The following TTLL5 variants were observed in gnomAD, a reference collection of about 807,000 sequenced individuals.
The protein encoded by TTLL5 is tubulin polyglutamylase TTLL5.
Under a neutral mutation model 168.4 loss-of-function variants are expected in TTLL5, and 132 were observed. The observed-to-expected ratio is 0.78, with a 90% CI of 0.68 to 0.91. TTLL5 has a LOEUF of 0.91. Among genes scored for constraint, TTLL5 ranks in the 40% least tolerant of loss-of-function variants. TTLL5 has a pLI of 0.00. For missense variants in TTLL5, 1,545 were observed against 1,581.5 expected (o/e 0.98, Z 0.39); for synonymous variants, 546 against 558.6 (o/e 0.98, Z 0.32).
At chr14:75,914,131 C>G (rs894611296) in intron 31 of TTLL5, among the ~76,000 whole-genome samples, 7 of 147,060 alleles carry the variant, frequency 4.8e-5, no homozygotes, top group African/African-American at 1.5e-4. Context: ...AGATGAGTCC[C>G]GCTCTGTCAC....
At chr14:75,709,323 C>A (rs8007792) in intron 9 of TTLL5, 403,276 of 657,322 alleles carry the variant, frequency 0.61, 127,833 homozygotes, top group Non-Finnish European at 0.67. Context: ...GTTTTTTTCA[C>A]ATGTATCCTA....
intron 29 of TTLL5, among the ~76,000 whole-genome samples, chr14:75,872,151 T>A (rs1199236576): frequency 2.6e-5 from 4 of 152,254 alleles, no homozygotes; most frequent in African/African-American, 4.8e-5. Flanking sequence ...TCTGTATACA[T>A]ACTCACACTT....
intron 30 of TTLL5, among the ~76,000 whole-genome samples, chr14:75,890,911 G>A (rs970184949): frequency 6.6e-6 from 1 of 152,096 alleles, no homozygotes; most frequent in Non-Finnish European, 1.5e-5. Context: ...AGTAGAGACG[G>A]GGTTTCACCG....
chr14:75,708,686 T>C (rs1157724856), intron 9 of TTLL5, among the ~76,000 whole-genome samples: 1 of 152,194 alleles, frequency 6.6e-6, no homozygotes, highest in Admixed American at 6.5e-5. Flanking sequence ...CAAGTTGTTA[T>C]ATTTTGAAGT....
At position 75,923,773 on chromosome 14, in the gene TTLL5, T is replaced by G. The variant is rs546539421; in HGVS notation, c.3823+21549T>G. On this transcript the variant is annotated intron_variant, in intron 31 of 31. Transcript: ENST00000298832. The stretch of plus-strand genomic sequence containing the variant: ...CAAGTCCTAGATGTCCTTGTTAATT[T>G]TCTGTCTTGTTGATCTAATATTGAC... Among the ~76,000 whole-genome samples, 5 of 152,340 alleles carry G rather than the reference T, an allele frequency of 3.3e-5. No individual in the cohort carries two copies. The South Asian group carries it at 1.0e-3, about 32-fold the overall frequency.
intron 28 of TTLL5, among the ~76,000 whole-genome samples, chr14:75,831,573 ACT>A: frequency 6.6e-6 from 1 of 152,012 alleles, no homozygotes; most frequent in South Asian, 2.1e-4. Flanking sequence ...AGCTGCTGTA[ACT>A]CTGGGGAACA....
intron 27 of TTLL5, chr14:75,814,621 G>A (rs1345261453): frequency 6.6e-6 from 1 of 152,160 alleles, no homozygotes; most frequent in Non-Finnish European, 1.5e-5. Flanking sequence ...ATTCGTTTTT[G>A]TTCAGTGACT....
intron 6 of TTLL5, among the ~76,000 whole-genome samples, chr14:75,691,180 A>G (rs1885437530): frequency 6.6e-6 from 1 of 152,096 alleles, no homozygotes; most frequent in East Asian, 1.9e-4. Flanking sequence ...TGTCAGCTGT[A>G]TGGCTGGTAA....
At chr14:75,803,814 G>A (rs746392390) in intron 27 of TTLL5, among the ~76,000 whole-genome samples, 2 of 152,192 alleles carry the variant, frequency 1.3e-5, no homozygotes, top group Non-Finnish European at 2.9e-5. Context: ...AAGAGATGTA[G>A]CCCTTTGTGG....
chr14:75,885,219 G>A (rs969665610), intron 30 of TTLL5, among the ~76,000 whole-genome samples: 2 of 151,022 alleles, frequency 1.3e-5, no homozygotes, highest in Non-Finnish European at 2.9e-5. Context: ...GGCCAGGTGC[G>A]GTGGCTCACG....
chr14:75,701,420 T>C (rs1029879259), intron 7 of TTLL5, among the ~76,000 whole-genome samples: 3 of 152,192 alleles, frequency 2.0e-5, no homozygotes, highest in Admixed American at 6.5e-5. Context: ...ACTGTGGTTG[T>C]GTAGGACTCT....
intron 23 of TTLL5, among the ~76,000 whole-genome samples, chr14:75,778,762 T>C (rs1891873839): frequency 1.3e-5 from 2 of 152,254 alleles, no homozygotes; most frequent in Admixed American, 6.5e-5. Context: ...ATGTGTGATA[T>C]GTTCAATAGA....
At chr14:75,931,175 T>C (rs1389295360) in intron 31 of TTLL5, among the ~76,000 whole-genome samples, 1 of 152,186 alleles carries the variant, frequency 6.6e-6, no homozygotes, top group African/African-American at 2.4e-5. Context: ...ACATAAGTAG[T>C]ACTTCTCCTG....
intron 30 of TTLL5, among the ~76,000 whole-genome samples, chr14:75,896,379 C>T (rs1432159765): frequency 6.6e-6 from 1 of 152,058 alleles, no homozygotes; most frequent in East Asian, 1.9e-4. Context: ...TTTATAAAAA[C>T]GATCAGGTTT....
chr14:75,706,659 CA>C (rs1886678671), intron 7 of TTLL5, among the ~76,000 whole-genome samples: 2 of 152,004 alleles, frequency 1.3e-5, no homozygotes, highest in African/African-American at 4.8e-5. Context: ...AGGGAGAAAG[CA>C]AGTTTTCATT....
intron 16 of TTLL5, 99 bp from the exon 17 acceptor site, chr14:75,745,391 C>T: frequency 1.5e-6 from 2 of 1,315,912 alleles, no homozygotes; most frequent in Non-Finnish European, 2.2e-6. Flanking sequence ...CTTCATGCTA[C>T]TTTCATATTC....
At chr14:75,910,685 A>G (rs944720982) in intron 31 of TTLL5, among the ~76,000 whole-genome samples, 1 of 152,274 alleles carries the variant, frequency 6.6e-6, no homozygotes, top group African/African-American at 2.4e-5. Context: ...CCTGATCTGT[A>G]GAGTTTGAAC....
intron 31 of TTLL5, among the ~76,000 whole-genome samples, chr14:75,942,825 C>T (rs1273193641): frequency 2.0e-5 from 3 of 152,150 alleles, no homozygotes; most frequent in South Asian, 2.1e-4. Flanking sequence ...TGATAGTTGC[C>T]GAACTGGCAT....
intron 31 of TTLL5, among the ~76,000 whole-genome samples, chr14:75,937,336 G>A (rs1339230203): frequency 2.0e-5 from 3 of 150,284 alleles, no homozygotes; most frequent in East Asian, 1.9e-4. Context: ...TCATGTTGGC[G>A]AGGATGGTCT....
Sources: gnomAD v4.1 joint callset for allele counts (sites outside exome capture counted in the v4.1 genomes callset) on GRCh38, gnomAD v4.1.1 for gene constraint, MANE v1.5 for transcripts, NCBI Gene and HGNC (gene_info 2026-07-23, HGNC 2026-07-21) for gene names.